The following BTBD9 variants were observed in gnomAD, a reference collection of about 807,000 sequenced individuals.
BTBD9 encodes the protein BTB/POZ domain-containing protein 9.
BTBD9 carries 49 observed loss-of-function variants against 64.3 expected under a neutral mutation model. The observed-to-expected ratio is 0.76, with a 90% confidence interval of 0.61 to 0.97. BTBD9 has a LOEUF of 0.97. Among genes scored for constraint, BTBD9 ranks in the 50% least tolerant of loss-of-function variants. The probability of loss-of-function intolerance (pLI) is 0.00; values close to 1 mark genes in which losing one functional copy is unlikely to be tolerated. For synonymous variants in BTBD9, 260 were observed against 274.7 expected (o/e 0.95, Z 0.53); for missense variants, 598 against 762.1 (o/e 0.78, Z 2.53).
chr6:38,525,446 C>T (rs1256306571), intron 6 of BTBD9, among the ~76,000 whole-genome samples: 2 of 152,036 alleles, frequency 1.3e-5, no homozygotes, highest in Admixed American at 1.3e-4. Flanking sequence ...TTAATTGGTA[C>T]CAAGGTAGTG....
At chr6:38,449,546 T>G (rs1451088963) in intron 6 of BTBD9, among the ~76,000 whole-genome samples, 1 of 151,760 alleles carries the variant, frequency 6.6e-6, no homozygotes, top group African/African-American at 2.4e-5. Flanking sequence ...AAAAAAATGA[T>G]GCTGAGAAAA....
At chr6:38,446,653 T>C (rs1769291981) in intron 6 of BTBD9, among the ~76,000 whole-genome samples, 1 of 152,240 alleles carries the variant, frequency 6.6e-6, no homozygotes, top group African/African-American at 2.4e-5. Context: ...GGCACTGATA[T>C]AAATTTTTAC....
chr6:38,441,461 G>A (rs764155960), intron 6 of BTBD9, among the ~76,000 whole-genome samples: 29 of 152,122 alleles, frequency 1.9e-4, no homozygotes, highest in Non-Finnish European at 3.4e-4. Flanking sequence ...CCAGTCTGTC[G>A]TCCGGGCTGG....
At chr6:38,628,624 T>C (rs972837315) in intron 1 of BTBD9, among the ~76,000 whole-genome samples, 3 of 152,042 alleles carry the variant, frequency 2.0e-5, no homozygotes, top group African/African-American at 7.2e-5. Flanking sequence ...AATATAGATA[T>C]ACAAAAATAT....
intron 6 of BTBD9, among the ~76,000 whole-genome samples, chr6:38,384,566 T>C (rs557256793): frequency 4.6e-5 from 7 of 152,300 alleles, no homozygotes; most frequent in African/African-American, 1.7e-4. Context: ...CTGTGAAATA[T>C]ATATTAGAAG....
intron 6 of BTBD9, among the ~76,000 whole-genome samples, chr6:38,432,126 T>C (rs1450803397): frequency 6.6e-6 from 1 of 152,056 alleles, no homozygotes; most frequent in Non-Finnish European, 1.5e-5. Context: ...AAGGCTATCA[T>C]GTTTTGTCTC....
At chr6:38,596,811 A>AG (rs1044571826) in intron 2 of BTBD9, among the ~76,000 whole-genome samples, 11 of 152,090 alleles carry the variant, frequency 7.2e-5, no homozygotes, top group African/African-American at 2.7e-4. Flanking sequence ...AAAAAAAAAA[A>AG]AAAAAAGTGG....
chr6:38,350,849 C>T (rs1312585338), intron 6 of BTBD9, among the ~76,000 whole-genome samples: 1 of 152,216 alleles, frequency 6.6e-6, no homozygotes, highest in Admixed American at 6.5e-5. Context: ...TTTAGATGCA[C>T]CATTTCCAAG....
intron 6 of BTBD9, among the ~76,000 whole-genome samples, chr6:38,450,712 C>T (rs1021953721): frequency 1.5e-4 from 23 of 152,118 alleles, no homozygotes; most frequent in Non-Finnish European, 2.1e-4. Flanking sequence ...AATTAACCAT[C>T]GACTTATAAA....
At chr6:38,383,450 CAAAT>C (rs910587375) in intron 6 of BTBD9, among the ~76,000 whole-genome samples, 13 of 152,226 alleles carry the variant, frequency 8.5e-5, no homozygotes, top group African/African-American at 1.9e-4. Context: ...TTAAAATTAA[CAAAT>C]AAACTTCAGA....
intron 6 of BTBD9, among the ~76,000 whole-genome samples, chr6:38,438,027 C>T (rs576120688): frequency 2.6e-5 from 4 of 152,028 alleles, no homozygotes; most frequent in South Asian, 4.2e-4. Flanking sequence ...TCTACTGGTT[C>T]CAAAACCCAG....
intron 9 of BTBD9, among the ~76,000 whole-genome samples, chr6:38,199,586 T>C (rs147879466): frequency 6.6e-6 from 1 of 152,280 alleles, no homozygotes; most frequent in African/African-American, 2.4e-5. Context: ...CACAAAACAG[T>C]GTTAAGTAGA....
chr6:38,194,762 C>T lies in BTBD9; in HGVS notation c.1563-2165G>A, dbSNP rs182707865. On this transcript the variant is annotated intron_variant, in intron 9 of 10. Transcript: ENST00000481247. ...ACCTGGGTCTCCCTCCCCTATCTCC[C>T]TTGCTGCTCCTCTTGCCTCCACTCT... Among the ~76,000 whole-genome samples the T allele has an allele frequency of 1.2e-3, 190 of 152,286 alleles. 1 individual carries two copies. Among genetic ancestry groups the T allele is most frequent in the African/African-American group, 4.5e-3 (187 of 41,570 alleles).
intron 10 of BTBD9, chr6:38,179,596 C>G: frequency 4.4e-6 from 2 of 456,772 alleles, no homozygotes; most frequent in Non-Finnish European, 8.8e-6. Context: ...GCCCTCAGGA[C>G]CTCTCAGGCA....
At chr6:38,450,572 A>T (rs1349336133) in intron 6 of BTBD9, among the ~76,000 whole-genome samples, 1 of 152,200 alleles carries the variant, frequency 6.6e-6, no homozygotes, top group Non-Finnish European at 1.5e-5. Flanking sequence ...AAAGAAGATG[A>T]TGACAAAGTC....
chr6:38,601,202 G>A (rs1440568325), intron 1 of BTBD9, among the ~76,000 whole-genome samples: 1 of 152,114 alleles, frequency 6.6e-6, no homozygotes, highest in Non-Finnish European at 1.5e-5. Flanking sequence ...ATTGTTGTAG[G>A]TTTCCATCCC....
chr6:38,429,409 C>T (rs1768336661), intron 6 of BTBD9, among the ~76,000 whole-genome samples: 1 of 149,224 alleles, frequency 6.7e-6, no homozygotes, highest in Non-Finnish European at 1.5e-5. Flanking sequence ...GAGCCGAGAT[C>T]GCACCATCGC....
At chr6:38,269,590 G>A (rs548140543) in intron 8 of BTBD9, among the ~76,000 whole-genome samples, 1 of 151,564 alleles carries the variant, frequency 6.6e-6, no homozygotes, top group Non-Finnish European at 1.5e-5. Context: ...GGCTAAATGG[G>A]CAGTTGCTTT....
intron 9 of BTBD9, among the ~76,000 whole-genome samples, chr6:38,227,748 C>A (rs1234619893): frequency 1.3e-5 from 2 of 152,238 alleles, no homozygotes. Context: ...CTGGGACTGG[C>A]ATTCTCTCCT....
Sources: gnomAD v4.1 joint callset for allele counts (sites outside exome capture counted in the v4.1 genomes callset) on GRCh38, gnomAD v4.1.1 for gene constraint, MANE v1.5 for transcripts, NCBI Gene and HGNC (gene_info 2026-07-23, HGNC 2026-07-21) for gene names.